TARBP1: variants seen among roughly 807,000 people sequenced by gnomAD.
TARBP1 encodes tRNA (guanosine(18)-2'-O)-methyltransferase TARBP1.
In TARBP1, 144 loss-of-function variants were observed where a neutral mutation model predicts 178.6. That is an observed-to-expected ratio of 0.81 (90% confidence interval 0.70 to 0.93). TARBP1 has a LOEUF of 0.93. Among genes scored for constraint, TARBP1 ranks in the 40% least tolerant of loss-of-function variants. TARBP1 has a pLI of 0.00. For missense variants in TARBP1, 2,067 were observed against 2,011.7 expected (o/e 1.03, Z -0.53); for synonymous variants, 787 against 781.0 (o/e 1.01, Z -0.13).
In TARBP1 at chr1:234,478,802, C is replaced by T; in HGVS notation, c.302G>A (p.Gly101Asp). Residue 101 changes from glycine to aspartate, a missense_variant, in exon 1 of 30, where the codon GGC becomes GAC. Physicochemically the swap from Gly to Asp is moderately conservative, Grantham distance 94. Coordinates refer to ENST00000040877, the MANE Select transcript of TARBP1 (RefSeq NM_005646.4). ...GCGGACGCACGAGCGCAGGGCCGCG[C>T]CCGCCGCCCTCAGCACGCGCCGGCG... ...RHRRRVLRAAGAALRSCVRLA... is the reference protein window; with the variant it reads ...RHRRRVLRAADAALRSCVRLA... 8.8e-7 allele frequency: 1 copy of T among 1,139,882 alleles called. No individual in the cohort carries two copies. Among genetic ancestry groups the T allele is most frequent in the Non-Finnish European group, 1.1e-6 (1 of 931,706 alleles). The allele number at this position is 1,139,882 out of a possible 1,614,324, so 70.6% of individuals were successfully genotyped here. A position where few individuals can be genotyped will look rare whatever the true frequency, so the allele number is the denominator to read the frequency against.
intron 19 of TARBP1, 131 bp downstream of exon 19, chr1:234,427,186 A>C (rs1021420104): frequency 1.0e-5 from 6 of 586,814 alleles, no homozygotes; most frequent in Non-Finnish European, 1.8e-5. Flanking sequence ...CATACTTTTA[A>C]AGGCTCATCC....
chr1:234,426,070 A>G (rs986970469), intron 19 of TARBP1, among the ~76,000 whole-genome samples: 6 of 152,242 alleles, frequency 3.9e-5, no homozygotes, highest in African/African-American at 7.2e-5. Context: ...ACCTAGTTCA[A>G]TAATACCTTA....
intron 21 of TARBP1, among the ~76,000 whole-genome samples, chr1:234,419,856 T>C (rs993428012): frequency 5.9e-5 from 9 of 152,172 alleles, no homozygotes; most frequent in African/African-American, 1.9e-4. Context: ...AATTGTTTTA[T>C]TTGAATATAC....
chr1:234,449,156 G>A (rs1666484442), intron 10 of TARBP1, among the ~76,000 whole-genome samples: 1 of 152,174 alleles, frequency 6.6e-6, no homozygotes, highest in South Asian at 2.1e-4. Context: ...AAGTGACAGG[G>A]AGCAGCAAAA....
intron 23 of TARBP1, among the ~76,000 whole-genome samples, chr1:234,408,685 CT>C (rs1265543238): frequency 2.0e-4 from 31 of 152,116 alleles, no homozygotes; most frequent in Admixed American, 1.2e-3. Flanking sequence ...AAAAGGACAC[CT>C]CAATTCCTTA....
intron 21 of TARBP1, among the ~76,000 whole-genome samples, 186 bp downstream of exon 21, chr1:234,420,516 T>C (rs1473918880): frequency 6.6e-6 from 1 of 152,026 alleles, no homozygotes; most frequent in Non-Finnish European, 1.5e-5. Flanking sequence ...ATTTCTACAA[T>C]ACCTAATTGC....
At chr1:234,435,865 A>G (rs866344859) in intron 13 of TARBP1, among the ~76,000 whole-genome samples, 3 of 152,182 alleles carry the variant, frequency 2.0e-5, no homozygotes, top group Admixed American at 2.0e-4. Context: ...TGGTAGGCTG[A>G]AATCGGCCGT....
rs554578471 is a variant in TARBP1, at chr1:234,393,503, G to T, written c.4436-17C>A. 1 of 1,574,614 alleles carries T rather than the reference G, an allele frequency of 6.4e-7. No individual in the cohort carries two copies. Among genetic ancestry groups the T allele is most frequent in the South Asian group, 1.2e-5 (1 of 86,294 alleles). ...TGCACAGTCCTGCACAGAACACCTGGGATCATTAAGATTGTTCCCAGCACA... is the reference window on the plus strand; with the variant it reads ...TGCACAGTCCTGCACAGAACACCTGTGATCATTAAGATTGTTCCCAGCACA... On this transcript the variant is annotated splice_polypyrimidine_tract_variant and intron_variant, in intron 27 of 29. Coordinates refer to ENST00000040877, the MANE Select transcript of TARBP1 (RefSeq NM_005646.4).
At chr1:234,415,622 C>A (rs1365411261) in intron 22 of TARBP1, among the ~76,000 whole-genome samples, 1 of 152,122 alleles carries the variant, frequency 6.6e-6, no homozygotes, top group Non-Finnish European at 1.5e-5. Context: ...TCCAAAGACT[C>A]CATTTCTGAT....
At chr1:234,473,456 C>T (rs1669267743) in intron 1 of TARBP1, among the ~76,000 whole-genome samples, 1 of 152,196 alleles carries the variant, frequency 6.6e-6, no homozygotes, top group South Asian at 2.1e-4. Context: ...GCACAGGACA[C>T]AGCAGACATT....
In TARBP1 at chr1:234,433,541, G is replaced by A. The variant is rs1208402576; in HGVS notation, c.2263C>T (p.Leu755=). 3.5e-5 allele frequency: 57 copies of A among 1,613,316 alleles called. No homozygotes were observed. Among genetic ancestry groups the A allele is most frequent in the Non-Finnish European group, 4.8e-5 (57 of 1,179,874 alleles). The change falls in exon 14 of 30, where the codon CTG becomes TTG. Residue 755 remains leucine (L), a synonymous_variant. Transcript: ENST00000040877. The stretch of plus-strand genomic sequence containing the variant: ...TTTATAAGCTCAGTTAACACCATCA[G>A]GTATAAATGGCAACGATCCAGATCT... ...VSDLDRCHLY[L]MVLTELINLH...
At chr1:234,428,669 C>T (rs971022298) in intron 17 of TARBP1, among the ~76,000 whole-genome samples, 1 of 152,146 alleles carries the variant, frequency 6.6e-6, no homozygotes, top group Non-Finnish European at 1.5e-5. Flanking sequence ...CCTCAGCCTC[C>T]TGAGTAGCTG....
Position 234,467,636 on chromosome 1 carries a change from G to C in TARBP1, c.1114C>G (p.His372Asp). The change falls in exon 4 of 30, where the codon CAC (histidine) becomes GAC (aspartate). Residue 372 changes from histidine to aspartate, a missense_variant. Coordinates refer to ENST00000040877, the MANE Select transcript of TARBP1 (RefSeq NM_005646.4). ...VSEENGCWLFHPSWHMCIYKR... is the reference protein window; with the variant it reads ...VSEENGCWLFDPSWHMCIYKR... ...TAAATACACATATGCCAGGATGGGT[G>C]AAAGAGCCAACATCCTGTGGAAACA... The C allele has an allele frequency of 6.3e-7, 1 of 1,587,978 alleles. No homozygotes were observed. The highest frequency in any genetic ancestry group is 8.5e-7 in the Non-Finnish European group (1 of 1,172,292).
At chr1:234,448,649 C>T (rs1666428025) in intron 10 of TARBP1, 70 bp from the exon 11 acceptor site, 1 of 1,196,012 alleles carries the variant, frequency 8.4e-7, no homozygotes, top group Non-Finnish European at 1.2e-6. Context: ...TCAAAAAAAC[C>T]CACTAAATGA....
intron 12 of TARBP1, among the ~76,000 whole-genome samples, chr1:234,437,944 G>A (rs986964510): frequency 6.6e-5 from 10 of 152,176 alleles, no homozygotes; most frequent in Non-Finnish European, 1.2e-4. Flanking sequence ...GCACATGCAC[G>A]GATCTGATGC....
At chr1:234,434,376 T>C (rs538233610) in intron 13 of TARBP1, among the ~76,000 whole-genome samples, 2 of 152,240 alleles carry the variant, frequency 1.3e-5, no homozygotes, top group East Asian at 3.9e-4. Context: ...ATTTAATCAG[T>C]TTTTACTGAG....
chr1:234,432,027 C>T (rs1664481113), intron 14 of TARBP1, among the ~76,000 whole-genome samples: 1 of 151,308 alleles, frequency 6.6e-6, no homozygotes, highest in Non-Finnish European at 1.5e-5. Flanking sequence ...ATCCCAGCTA[C>T]TCAGGAGGCT....
intron 26 of TARBP1, 97 bp from the exon 27 acceptor site, chr1:234,393,934 AT>A: frequency 1.0e-6 from 1 of 958,138 alleles, no homozygotes. Flanking sequence ...ATGTGAAATA[AT>A]TTAGAATGAG....
At chr1:234,463,751 G>T (rs975660333) in intron 6 of TARBP1, 86 bp downstream of exon 6, 4 of 626,052 alleles carry the variant, frequency 6.4e-6, no homozygotes, top group African/African-American at 3.9e-5. Context: ...TATTATAATA[G>T]TTGATGGTGC....
Sources: gnomAD v4.1 joint callset for allele counts (sites outside exome capture counted in the v4.1 genomes callset) on GRCh38, gnomAD v4.1.1 for gene constraint, MANE v1.5 for transcripts, NCBI Gene and HGNC (gene_info 2026-07-23, HGNC 2026-07-21) for gene names.